Variants in ZNF366 observed in about 807,000 individuals in gnomAD.
ZNF366 encodes the protein dendritic cell-specific transcript protein.
ZNF366 carries 20 observed loss-of-function variants against 47.2 expected under a neutral mutation model. The ratio of observed to expected loss-of-function variants is 0.42; its 90% CI spans 0.30 to 0.62. The LOEUF (loss-of-function observed/expected upper bound fraction) is 0.62, where lower values mean the gene tolerates loss of function less well. Ranked by LOEUF, ZNF366 falls within the 20% of genes least tolerant of loss-of-function variation. ZNF366 has a pLI of 0.16. For missense variants in ZNF366, 987 were observed against 976.3 expected, an observed-to-expected ratio of 1.01 and a Z score of -0.15; for synonymous variants, 421 against 395.1, an observed-to-expected ratio of 1.07 and a Z score of -0.78.
chr5:72,503,530 T>TAC (rs34375286), intron 1 of ZNF366, among the ~76,000 whole-genome samples: 10,373 of 148,768 alleles, frequency 0.07, 725 homozygotes, highest in African/African-American at 0.18. Flanking sequence ...TGAATTCTAA[T>TAC]ACACACACAC....
At position 72,443,792 on chromosome 5, in the gene ZNF366, C is replaced by A; in HGVS notation, c.2199G>T (p.Arg733Ser). Residue 733 changes from arginine to serine, a missense_variant, in exon 5 of 5, where the codon AGG (arginine) becomes AGT (serine). Around this residue, in one of 3 missense-constraint regions of ZNF366, gnomAD observed 285 missense variants for 234.8 expected, o/e 1.21. Transcript: ENST00000318442. ...RDESLKELLERKMEKQAVLLG... is the reference protein window; with the variant it reads ...RDESLKELLESKMEKQAVLLG... ...AAAGCACTGCTTGTTTTTCCATTTT[C>A]CTCTCCAGTAATTCTTTCAAACTCT... is the stretch of plus-strand genomic sequence containing the variant. 1 of 1,613,250 alleles carries A rather than the reference C, an allele frequency of 6.2e-7. No individual in the cohort carries two copies. Among genetic ancestry groups the A allele is most frequent in the Middle Eastern group, 1.7e-4 (1 of 6,058 alleles).
At chr5:72,467,828 C>A (rs1223355056) in intron 1 of ZNF366, among the ~76,000 whole-genome samples, 1 of 152,076 alleles carries the variant, frequency 6.6e-6, no homozygotes, top group Non-Finnish European at 1.5e-5. Context: ...ATGTGATGTA[C>A]CCTAGAGCTC....
chr5:72,466,219 G>A (rs922552892), intron 1 of ZNF366, among the ~76,000 whole-genome samples: 5 of 152,146 alleles, frequency 3.3e-5, no homozygotes, highest in Admixed American at 2.0e-4. Context: ...ATAAGGCTAG[G>A]GTGAGTTTAT....
chr5:72,448,441 G>C (rs953791109), intron 3 of ZNF366, among the ~76,000 whole-genome samples: 2 of 152,170 alleles, frequency 1.3e-5, no homozygotes, highest in Non-Finnish European at 2.9e-5. Flanking sequence ...ACTTCTCTGG[G>C]GGTGCTTTTG....
intron 1 of ZNF366, among the ~76,000 whole-genome samples, chr5:72,490,903 G>T (rs778458643): frequency 6.6e-6 from 1 of 152,160 alleles, no homozygotes. Context: ...AACCCCAGCA[G>T]TGGTAGGAGC....
At chr5:72,445,510 G>C (rs1742940872) in intron 4 of ZNF366, among the ~76,000 whole-genome samples, 1 of 152,232 alleles carries the variant, frequency 6.6e-6, no homozygotes, top group South Asian at 2.1e-4. Context: ...TCAAAAGCTA[G>C]AGTGAAAAAT....
intron 1 of ZNF366, among the ~76,000 whole-genome samples, chr5:72,473,665 AC>A (rs1467813434): frequency 6.6e-6 from 1 of 152,162 alleles, no homozygotes; most frequent in Non-Finnish European, 1.5e-5. Context: ...CTTCCCGGAA[AC>A]CTTTGCTCCC....
At position 72,449,468 on chromosome 5, in the gene ZNF366, C is replaced by T. The variant is rs146215430; in HGVS notation, c.1525-2051G>A. Among the ~76,000 whole-genome samples, 252 of 152,306 alleles carry T rather than the reference C, an allele frequency of 1.7e-3. 1 individual carries two copies. Among genetic ancestry groups the T allele is most frequent in the Non-Finnish European group, 2.2e-3 (153 of 68,026 alleles). On this transcript the variant is annotated intron_variant, in intron 3 of 4. Transcript: ENST00000318442. Reference sequence around the variant, plus strand: ...GCCAGGCCGGTCCCAAACTCCTGACCTCAAGTGATCCATCCGCCTCAGCCT... The same window carrying T: ...GCCAGGCCGGTCCCAAACTCCTGACTTCAAGTGATCCATCCGCCTCAGCCT...
chr5:72,506,773 T>C (rs150287463), intron 1 of ZNF366, among the ~76,000 whole-genome samples: 19 of 152,198 alleles, frequency 1.2e-4, no homozygotes, highest in African/African-American at 4.6e-4. Context: ...CATATAACAA[T>C]TAACAATCCT....
At chr5:72,466,137 C>T (rs994976268) in intron 1 of ZNF366, among the ~76,000 whole-genome samples, 2 of 152,158 alleles carry the variant, frequency 1.3e-5, no homozygotes, top group East Asian at 1.9e-4. Flanking sequence ...AAGTTAACCA[C>T]GACTTTACCC....
chr5:72,475,015 T>G (rs1195507735), intron 1 of ZNF366, among the ~76,000 whole-genome samples: 1 of 152,190 alleles, frequency 6.6e-6, no homozygotes, highest in Non-Finnish European at 1.5e-5. Flanking sequence ...GGTACAGATC[T>G]TGGGACAAAC....
chr5:72,464,903 C>G (rs192663920), intron 1 of ZNF366, among the ~76,000 whole-genome samples: 46 of 151,876 alleles, frequency 3.0e-4, no homozygotes, highest in African/African-American at 1.1e-3. Flanking sequence ...ATTAAAAATT[C>G]AAAAATTAGC....
rs1305805691 is a variant in ZNF366, at chr5:72,444,265, C to T, written c.1726G>A (p.Ala576Thr). Residue 576 changes from alanine to threonine, a missense_variant, in exon 5 of 5, where the codon GCA becomes ACA. Ala to Thr is a moderately conservative substitution (Grantham distance 58). Coordinates refer to ENST00000318442, the MANE Select transcript of ZNF366 (RefSeq NM_152625.3). The part of the protein sequence containing the change: ...QGLGRGRIAL[A>T]QTAGVLRSLE... ...CTCCTCAGGACACCGGCTGTCTGTG[C>T]CAGGGCGATTCTCCCCCTTCCCAGA... The T allele has an allele frequency of 1.2e-6, 2 of 1,612,274 alleles. No homozygotes were observed. Among genetic ancestry groups the T allele is most frequent in the East Asian group, 4.5e-5 (2 of 44,872 alleles).
At chr5:72,464,120 A>C (rs1199173320) in intron 1 of ZNF366, among the ~76,000 whole-genome samples, 2 of 152,210 alleles carry the variant, frequency 1.3e-5, no homozygotes, top group African/African-American at 4.8e-5. Flanking sequence ...AAAAGAGGCA[A>C]TAATTCCTGG....
chr5:72,486,650 G>A lies in ZNF366; in HGVS notation c.-15+20601C>T, dbSNP rs545789503. On this transcript the variant is annotated intron_variant, in intron 1 of 4. Coordinates refer to ENST00000318442, the MANE Select transcript of ZNF366 (RefSeq NM_152625.3). Reference sequence around the variant, plus strand: ...CAGGAGACCTCTGAGCAATTTCCTGGCCTTACATTTTTCCATTCCAGTAAA... The same window carrying A: ...CAGGAGACCTCTGAGCAATTTCCTGACCTTACATTTTTCCATTCCAGTAAA... Among the ~76,000 whole-genome samples, 11 of 152,278 alleles carry A rather than the reference G, an allele frequency of 7.2e-5. No individual in the cohort carries two copies. In the South Asian group the frequency reaches 2.3e-3, roughly 32 times the overall value.
intron 3 of ZNF366, among the ~76,000 whole-genome samples, chr5:72,450,814 A>C (rs1293218326): frequency 6.6e-6 from 1 of 152,130 alleles, no homozygotes; most frequent in Non-Finnish European, 1.5e-5. Flanking sequence ...GTGTATGGAG[A>C]TATTTTATGT....
At position 72,485,069 on chromosome 5, in the gene ZNF366, G is replaced by A. The variant is rs189523509; in HGVS notation, c.-15+22182C>T. Among the ~76,000 whole-genome samples, 36 of 152,272 alleles carry A rather than the reference G, an allele frequency of 2.4e-4. No individual in the cohort carries two copies. The East Asian group carries it at 4.0e-3, about 17-fold the overall frequency. ...ATTCAGTTGACCTGGATAGAGGTAC[G>A]CTGTACATGTAAAATGCACACTGGA... On this transcript the variant is annotated intron_variant, in intron 1 of 4. Transcript: ENST00000318442.
In ZNF366 at chr5:72,443,963, C is replaced by T. The variant is rs376082923; in HGVS notation, c.2028G>A (p.Glu676=). The T allele has an allele frequency of 3.3e-5, 53 of 1,614,092 alleles. No homozygotes were observed. Among genetic ancestry groups the T allele is most frequent in the Non-Finnish European group, 4.2e-5 (49 of 1,180,036 alleles). Residue 676 remains glutamate (E), a synonymous_variant, in exon 5 of 5, where the codon GAG becomes GAA. Transcript: ENST00000318442. ...CCCCAAGGTCACCCTTGCTCCTCTT[C>T]TCCCATTCTCCCTTGGATGCATCCT... ...EKEDASKGEW[E]KRSKGDLGAE...
intron 4 of ZNF366, among the ~76,000 whole-genome samples, chr5:72,444,755 G>A (rs1455694028): frequency 6.6e-6 from 1 of 152,090 alleles, no homozygotes; most frequent in Non-Finnish European, 1.5e-5. Flanking sequence ...TATTTGCTAT[G>A]TATTTTAAGT....
Sources: gnomAD v4.1 joint callset for allele counts (sites outside exome capture counted in the v4.1 genomes callset) on GRCh38, gnomAD v4.1.1 for gene constraint, gnomAD v4.1.1 regional missense constraint, MANE v1.5 for transcripts, NCBI Gene and HGNC (gene_info 2026-07-23, HGNC 2026-07-21) for gene names.